Variants in BCL2L14 observed in about 807,000 individuals in gnomAD.
BCL2L14 encodes the protein BCL2 like 14.
BCL2L14 carries 27 observed loss-of-function variants against 35.3 expected under a neutral mutation model. That is an observed-to-expected ratio of 0.76 (90% CI 0.56 to 1.05). The LOEUF (loss-of-function observed/expected upper bound fraction) is 1.05. Among genes scored for constraint, BCL2L14 ranks in the 50% least tolerant of loss-of-function variants. BCL2L14 has a pLI of 0.00. For missense variants in BCL2L14, 377 were observed against 382.6 expected (o/e 0.99, Z 0.12); for synonymous variants, 139 against 145.9 (o/e 0.95, Z 0.34).
intron 2 of BCL2L14, among the ~76,000 whole-genome samples, chr12:12,059,182 G>A (rs560715280): frequency 1.3e-5 from 2 of 152,320 alleles, no homozygotes; most frequent in Non-Finnish European, 2.9e-5. Flanking sequence ...CCACGTTTCA[G>A]AGGTGTCAGA....
upstream of BCL2L14, among the ~76,000 whole-genome samples, chr12:12,069,375 A>G (rs1948630530): frequency 6.6e-6 from 1 of 152,032 alleles, no homozygotes; most frequent in South Asian, 2.1e-4. Context: ...TTTCCAGTGA[A>G]TATATCTCAT....
chr12:12,076,650 G>A (rs557995119), intron 1 of BCL2L14, among the ~76,000 whole-genome samples: 5 of 152,258 alleles, frequency 3.3e-5, no homozygotes, highest in Middle Eastern at 3.4e-3. Context: ...AGCATAGCCC[G>A]CTGCATCCCT....
intron 2 of BCL2L14, among the ~76,000 whole-genome samples, chr12:12,062,081 C>T (rs914979589): frequency 3.1e-4 from 47 of 152,040 alleles, no homozygotes; most frequent in Non-Finnish European, 2.6e-4. Flanking sequence ...AAATCACAAA[C>T]TATGCTCAAC....
chr12:12,090,654 A>AT (rs1183587439), intron 3 of BCL2L14, 125 bp from the exon 4 acceptor site: 7 of 625,424 alleles, frequency 1.1e-5, no homozygotes, highest in Non-Finnish European at 1.9e-5. Flanking sequence ...AATAAAAAAA[A>AT]AAAAAAGAAT....
At chr12:12,081,581 T>G (rs556316631) in intron 2 of BCL2L14, among the ~76,000 whole-genome samples, 10 of 150,144 alleles carry the variant, frequency 6.7e-5, no homozygotes, top group Middle Eastern at 3.4e-3. Context: ...GTGTTTTAGA[T>G]GGAGTCTTGC....
At chr12:12,090,918 T>A in intron 4 of BCL2L14, 69 bp downstream of exon 4, 7 of 1,261,694 alleles carry the variant, frequency 5.5e-6, no homozygotes, top group Non-Finnish European at 5.6e-6. Context: ...AATGGAATTG[T>A]ATTCCAGGTT....
At chr12:12,058,692 C>G (rs199666657) in intron 2 of BCL2L14, among the ~76,000 whole-genome samples, 7 of 151,968 alleles carry the variant, frequency 4.6e-5, no homozygotes, top group Admixed American at 6.6e-5. Context: ...ACTCTCTTTT[C>G]GGACTCAGCC....
At chr12:12,060,621 GCGT>G (rs1948509497) in intron 2 of BCL2L14, among the ~76,000 whole-genome samples, 1 of 50,458 alleles carries the variant, frequency 2.0e-5, no homozygotes, top group Non-Finnish European at 3.7e-5. Flanking sequence ...CTAAACCTCA[GCGT>G]CCAGGCGTTC....
At chr12:12,087,748 G>T (rs974986384) in intron 3 of BCL2L14, among the ~76,000 whole-genome samples, 2 of 152,234 alleles carry the variant, frequency 1.3e-5, no homozygotes, top group Non-Finnish European at 2.9e-5. Flanking sequence ...CAGTTGGAGC[G>T]TCAAGCCAGG....
At chr12:12,052,630 C>T (rs1948374074) in intron 2 of BCL2L14, among the ~76,000 whole-genome samples, 1 of 152,162 alleles carries the variant, frequency 6.6e-6, no homozygotes, top group Non-Finnish European at 1.5e-5. Flanking sequence ...TGTTGATGGA[C>T]ACCTAGATTG....
intron 5 of BCL2L14, among the ~76,000 whole-genome samples, chr12:12,096,872 A>G (rs2961550): frequency 0.26 from 40,297 of 152,172 alleles, 5,456 homozygotes; most frequent in East Asian, 0.37. Context: ...GGCCGGGCGC[A>G]GTGGCTCACG....
upstream of BCL2L14, among the ~76,000 whole-genome samples, chr12:12,069,150 G>C (rs555338533): frequency 6.6e-6 from 1 of 152,268 alleles, no homozygotes; most frequent in Middle Eastern, 3.4e-3. Flanking sequence ...ATAGATTTGG[G>C]CTGCTGCTTT....
At chr12:12,067,363 C>T (rs1053343607), upstream of BCL2L14, among the ~76,000 whole-genome samples, 1 of 152,032 alleles carries the variant, frequency 6.6e-6, no homozygotes, top group African/African-American at 2.4e-5. Context: ...CCAGTCTGGC[C>T]AACATAGTGA....
At chr12:12,069,571 G>A (rs758335351), upstream of BCL2L14, among the ~76,000 whole-genome samples, 101 of 151,860 alleles carry the variant, frequency 6.7e-4, no homozygotes, top group Middle Eastern at 3.4e-3. Flanking sequence ...ATCCAGGCTT[G>A]GTGGCGGGCG....
intron 3 of BCL2L14, among the ~76,000 whole-genome samples, chr12:12,089,030 G>A (rs1949111057): frequency 6.6e-6 from 1 of 152,222 alleles, no homozygotes; most frequent in Admixed American, 6.5e-5. Flanking sequence ...TTCCCTAAGA[G>A]AGTGTTAACC....
chr12:12,090,796 C>A lies in BCL2L14; in HGVS notation c.625C>A (p.Leu209Ile), dbSNP rs1478554388. ...SSKKDEEEQI[L>I]AKIVELLKYS... ...CCCGACAGATGAAGAAGAACAAATA[C>A]TAGCCAAAATTGTTGAGCTGCTGAA... Residue 209 changes from leucine to isoleucine, a missense_variant, in exon 4 of 6, where the codon CTA (leucine) becomes ATA (isoleucine). Transcript: ENST00000308721. 1.2e-6 allele frequency: 2 copies of A among 1,613,120 alleles called. No homozygotes were observed. The highest frequency in any genetic ancestry group is 1.1e-5 in the South Asian group (1 of 90,886).
chr12:12,097,526 G>A (rs1303910818), intron 5 of BCL2L14, among the ~76,000 whole-genome samples: 2 of 152,200 alleles, frequency 1.3e-5, no homozygotes, highest in East Asian at 1.9e-4. Flanking sequence ...GCTAGGAGCT[G>A]AGGGTGAGAG....
chr12:12,083,502 T>A (rs1223978379), intron 2 of BCL2L14, among the ~76,000 whole-genome samples: 1 of 152,228 alleles, frequency 6.6e-6, no homozygotes, highest in Non-Finnish European at 1.5e-5. Context: ...CGTGGAATGT[T>A]ATAGTTAAGG....
Position 12,073,442 on chromosome 12 carries a change from A to G in BCL2L14, c.-8+2305A>G, listed in dbSNP as rs571415062. ...TCACATTTTACTAAATGGAAGGACT[A>G]AGTACTCTGTCTTGACTTCAGTGGT... On this transcript the variant is annotated intron_variant, in intron 1 of 5. Coordinates refer to ENST00000308721, the MANE Select transcript of BCL2L14 (RefSeq NM_138723.2). Among the ~76,000 whole-genome samples, 12 of 152,242 alleles carry G rather than the reference A, an allele frequency of 7.9e-5. No individual in the cohort carries two copies. The East Asian group carries it at 2.3e-3, about 29-fold the overall frequency.
Sources: allele counts gnomAD v4.1 joint callset (sites outside exome capture counted in the v4.1 genomes callset), GRCh38; gene constraint gnomAD v4.1.1; transcripts MANE v1.5; gene names NCBI Gene and HGNC (gene_info 2026-07-23, HGNC 2026-07-21).